ITPR2: variants seen among roughly 807,000 people sequenced by gnomAD.
The protein encoded by ITPR2 is inositol 1,4,5-trisphosphate-gated calcium channel ITPR2.
A neutral mutation model predicts 317.1 loss-of-function variants in ITPR2; 207 were observed. The ratio of observed to expected loss-of-function variants is 0.65; its 90% CI spans 0.58 to 0.73. The LOEUF is 0.73. Among genes scored for constraint, ITPR2 ranks in the 30% least tolerant of loss-of-function variants. The pLI, the probability that ITPR2 is intolerant of heterozygous loss-of-function variation, is 0.00. For synonymous variants in ITPR2, 1,156 were observed against 1,149.1 expected (o/e 1.01, Z -0.12); for missense variants, 2,613 against 3,284.0 (o/e 0.80, Z 4.99).
intron 13 of ITPR2, 87 bp from the exon 14 acceptor site, chr12:26,666,138 A>ATAGT: frequency 2.8e-6 from 1 of 352,750 alleles, no homozygotes; most frequent in Non-Finnish European, 4.5e-6. Flanking sequence ...GTAGGTAGAG[A>ATAGT]TAGATAGATA....
chr12:26,637,954 AT>A (rs1464638923), intron 21 of ITPR2, among the ~76,000 whole-genome samples: 2 of 152,174 alleles, frequency 1.3e-5, no homozygotes, highest in African/African-American at 4.8e-5. Context: ...CTGCTTACAG[AT>A]TCCAACTTTA....
At chr12:26,661,509 C>G (rs1341277424) in intron 15 of ITPR2, among the ~76,000 whole-genome samples, 1 of 152,054 alleles carries the variant, frequency 6.6e-6, no homozygotes, top group African/African-American at 2.4e-5. Flanking sequence ...CCTGCCATCC[C>G]AAAGCACAGG....
At chr12:26,525,196 G>A (rs918309241) in intron 37 of ITPR2, among the ~76,000 whole-genome samples, 1 of 152,126 alleles carries the variant, frequency 6.6e-6, no homozygotes, top group Non-Finnish European at 1.5e-5. Flanking sequence ...GGCATGGAAG[G>A]CAGGGGATGG....
At chr12:26,593,915 A>G (rs1176373516) in intron 32 of ITPR2, among the ~76,000 whole-genome samples, 3 of 152,178 alleles carry the variant, frequency 2.0e-5, no homozygotes, top group African/African-American at 7.2e-5. Context: ...CTACAATGTG[A>G]CCTTGATCTG....
chr12:26,451,316 C>A (rs920230979), intron 45 of ITPR2, among the ~76,000 whole-genome samples: 1 of 150,248 alleles, frequency 6.7e-6, no homozygotes, highest in African/African-American at 2.5e-5. Flanking sequence ...GACCAAAGGA[C>A]CACAGACCTA....
intron 28 of ITPR2, among the ~76,000 whole-genome samples, chr12:26,601,617 T>C (rs993292322): frequency 6.6e-6 from 1 of 152,200 alleles, no homozygotes; most frequent in African/African-American, 2.4e-5. Context: ...TATAACCTAT[T>C]GAATAAAATG....
At chr12:26,790,044 A>G (rs540489069) in intron 2 of ITPR2, 113 bp downstream of exon 2, 5 of 752,328 alleles carry the variant, frequency 6.6e-6, no homozygotes, top group Non-Finnish European at 1.2e-5. Flanking sequence ...CAGTGAACAT[A>G]TTTATATCTG....
chr12:26,340,909 A>G (rs377682921), intron 55 of ITPR2, among the ~76,000 whole-genome samples: 47 of 152,210 alleles, frequency 3.1e-4, no homozygotes, highest in African/African-American at 1.1e-3. Context: ...TTTTATTGCA[A>G]TGGGTGAGAG....
intron 35 of ITPR2, among the ~76,000 whole-genome samples, chr12:26,557,143 G>A (rs963786130): frequency 6.6e-6 from 1 of 152,016 alleles, no homozygotes; most frequent in Non-Finnish European, 1.5e-5. Context: ...TCATCCAATG[G>A]GGAAAGTCAC....
At chr12:26,611,614 G>A (rs1452188366) in intron 26 of ITPR2, among the ~76,000 whole-genome samples, 1 of 152,118 alleles carries the variant, frequency 6.6e-6, no homozygotes, top group Non-Finnish European at 1.5e-5. Flanking sequence ...TGAGTAGATA[G>A]ATATAGAGAT....
chr12:26,550,439 A>T (rs1944496686), intron 36 of ITPR2, 84 bp from the exon 37 acceptor site: 3 of 662,106 alleles, frequency 4.5e-6, no homozygotes, highest in East Asian at 2.9e-5. Context: ...AGGGGAAAAA[A>T]TTTACACAAT....
intron 45 of ITPR2, among the ~76,000 whole-genome samples, chr12:26,466,753 A>C (rs1221144096): frequency 6.6e-6 from 1 of 152,210 alleles, no homozygotes; most frequent in African/African-American, 2.4e-5. Context: ...TAAATAGCTC[A>C]CAGAGAAAAC....
intron 21 of ITPR2, among the ~76,000 whole-genome samples, chr12:26,650,924 T>G (rs2136888832): frequency 6.6e-6 from 1 of 152,344 alleles, no homozygotes; most frequent in African/African-American, 2.4e-5. Flanking sequence ...CATAGATTTA[T>G]TTTTATAAAA....
At chr12:26,410,565 G>C (rs1034422670) in intron 52 of ITPR2, among the ~76,000 whole-genome samples, 5 of 152,158 alleles carry the variant, frequency 3.3e-5, no homozygotes, top group African/African-American at 1.2e-4. Flanking sequence ...TCTGTCCTAA[G>C]TCTAACTTTG....
chr12:26,678,511 G>T (rs1218570431), intron 13 of ITPR2, among the ~76,000 whole-genome samples: 1 of 152,098 alleles, frequency 6.6e-6, no homozygotes, highest in African/African-American at 2.4e-5. Context: ...AGTCAGAGTT[G>T]TCAGTTATTT....
In ITPR2 at chr12:26,339,453, G is replaced by A; in HGVS notation, c.8050C>T (p.Leu2684=). 1 of 1,613,886 alleles carries A rather than the reference G, an allele frequency of 6.2e-7. No homozygotes were observed. The highest frequency in any genetic ancestry group is 8.5e-7 in the Non-Finnish European group (1 of 1,179,882). ...MTEQRKNKQR[L]GFLGSNTPHV... Reference sequence around the variant, plus strand: ...GGTGTGTTTGATCCGAGGAAGCCCAGTCTCTGCTTATTCTTCCTTTGTTCT... The same window carrying A: ...GGTGTGTTTGATCCGAGGAAGCCCAATCTCTGCTTATTCTTCCTTTGTTCT... The change falls in exon 57 of 57, where the codon CTG becomes TTG. Residue 2684 remains leucine, a synonymous_variant. Coordinates refer to ENST00000381340, the MANE Select transcript of ITPR2 (RefSeq NM_002223.4).
intron 2 of ITPR2, among the ~76,000 whole-genome samples, chr12:26,770,860 C>G (rs1226166812): frequency 6.6e-6 from 1 of 152,116 alleles, no homozygotes; most frequent in Non-Finnish European, 1.5e-5. Flanking sequence ...GTTCTGGAGG[C>G]CAAAAGTCCA....
chr12:26,716,253 G>T lies in ITPR2; in HGVS notation c.526-11C>A. 1.3e-6 allele frequency: 2 copies of T among 1,566,900 alleles called. No homozygotes were observed. The highest frequency in any genetic ancestry group is 1.8e-6 in the Non-Finnish European group (2 of 1,138,140). ...ATCTCCTACAACAATCTAGGAAGCA[G>T]AAATAAATCACAATTGAGACACTGC... On this transcript the variant is annotated splice_polypyrimidine_tract_variant and intron_variant, in intron 5 of 56. Coordinates refer to ENST00000381340, the MANE Select transcript of ITPR2 (RefSeq NM_002223.4).
At chr12:26,797,553 G>A (rs1209403629) in intron 1 of ITPR2, among the ~76,000 whole-genome samples, 1 of 152,074 alleles carries the variant, frequency 6.6e-6, no homozygotes, top group African/African-American at 2.4e-5. Context: ...AAATGGCTCT[G>A]AAATGCATTT....
Sources: allele counts gnomAD v4.1 joint callset (sites outside exome capture counted in the v4.1 genomes callset), GRCh38; gene constraint gnomAD v4.1.1; transcripts MANE v1.5; gene names NCBI Gene and HGNC (gene_info 2026-07-23, HGNC 2026-07-21).